FKBP5: variants seen among roughly 807,000 people sequenced by gnomAD.
The protein encoded by FKBP5 is FKBP prolyl isomerase 5.
In FKBP5, 23 loss-of-function variants were observed where a neutral mutation model predicts 50.5. That is an observed-to-expected ratio of 0.46 (90% CI 0.33 to 0.65). The LOEUF (loss-of-function observed/expected upper bound fraction) is 0.65. Ranked by LOEUF, FKBP5 falls within the 30% of genes least tolerant of loss-of-function variation. FKBP5 has a pLI of 0.02. For synonymous variants in FKBP5, 176 were observed against 190.6 expected, an observed-to-expected ratio of 0.92 and a Z score of 0.63; for missense variants, 411 against 553.1, an observed-to-expected ratio of 0.74 and a Z score of 2.58.
intron 2 of FKBP5, among the ~76,000 whole-genome samples, chr6:35,639,516 G>A (rs1362118996): frequency 6.6e-6 from 1 of 152,158 alleles, no homozygotes; most frequent in Non-Finnish European, 1.5e-5. Context: ...TGGGCACTCT[G>A]AAAAGATGAA....
chr6:35,717,000 G>T (rs1263041424), intron 2 of FKBP5, among the ~76,000 whole-genome samples: 1 of 152,078 alleles, frequency 6.6e-6, no homozygotes, highest in Admixed American at 6.6e-5. Flanking sequence ...CGTGTTTACT[G>T]GTCTCACCAA....
chr6:35,666,394 TAAAAAAA>T lies in FKBP5; in HGVS notation c.-20+22403_-20+22409del, dbSNP rs550878351. Among the ~76,000 whole-genome samples the T allele has an allele frequency of 5.4e-4, 18 of 33,254 alleles. 1 individual carries two copies. The highest frequency in any genetic ancestry group is 2.4e-3 in the East Asian group (2 of 824). The allele number at this position is 33,254 out of a possible 152,430, so 21.8% of individuals were successfully genotyped here. The stretch of plus-strand genomic sequence containing the variant: ...CATGCAGAAACACTACTATTATAGT[TAAAAAAA>T]AAAAAAAAAAAAAAAAAAGGAGGGG... On this transcript the variant is annotated intron_variant, in intron 1 of 10. Coordinates refer to ENST00000357266, the MANE Select transcript of FKBP5 (RefSeq NM_004117.4).
chr6:35,600,411 G>A (rs1424949004), intron 5 of FKBP5, among the ~76,000 whole-genome samples: 3 of 149,824 alleles, frequency 2.0e-5, no homozygotes, highest in African/African-American at 4.9e-5. Flanking sequence ...GAGTGAGACC[G>A]TCTCAAAAAA....
chr6:35,667,664 T>C (rs1446546248), intron 1 of FKBP5, among the ~76,000 whole-genome samples: 1 of 152,208 alleles, frequency 6.6e-6, no homozygotes, highest in African/African-American at 2.4e-5. Context: ...GTGGATCACC[T>C]GAGGTCAAGA....
chr6:35,683,209 G>A (rs1035964859), intron 1 of FKBP5, among the ~76,000 whole-genome samples: 1 of 147,906 alleles, frequency 6.8e-6, no homozygotes, highest in South Asian at 2.2e-4. Flanking sequence ...TGTCCCCCAG[G>A]CTGGAGTATG....
In FKBP5 at chr6:35,581,484, G is replaced by A. The variant is rs151264746; in HGVS notation, c.841-1263C>T. The A allele has an allele frequency of 3.2e-3, 2,309 of 712,300 alleles. 47 individuals carry two copies. In the East Asian group the frequency reaches 0.042, roughly 13 times the overall value. 44.1% of individuals were successfully genotyped at this position (712,300 alleles called of 1,614,324 possible). On this transcript the variant is annotated intron_variant, in intron 8 of 10. Coordinates refer to ENST00000357266, the MANE Select transcript of FKBP5 (RefSeq NM_004117.4). ...ATATGCCTGTAATCCCGGCTACTTA[G>A]GAGGCTGAGGCAGGAGAACTGCTTG...
chr6:35,630,750 C>G (rs1764130541), intron 3 of FKBP5, among the ~76,000 whole-genome samples: 1 of 152,154 alleles, frequency 6.6e-6, no homozygotes, highest in Non-Finnish European at 1.5e-5. Flanking sequence ...GTACCTTAGT[C>G]TGTAATATAG....
At chr6:35,605,048 G>A (rs1387274371) in intron 5 of FKBP5, among the ~76,000 whole-genome samples, 1 of 152,070 alleles carries the variant, frequency 6.6e-6, no homozygotes, top group Non-Finnish European at 1.5e-5. Flanking sequence ...CTCCCAAAGT[G>A]CTGGGATTAC....
At chr6:35,577,619 C>T (rs1762263571) in intron 9 of FKBP5, among the ~76,000 whole-genome samples, 1 of 152,208 alleles carries the variant, frequency 6.6e-6, no homozygotes, top group Admixed American at 6.5e-5. Flanking sequence ...GGACAAACAG[C>T]TCAGTGGAAC....
intron 3 of FKBP5, among the ~76,000 whole-genome samples, chr6:35,634,473 G>T (rs993017020): frequency 1.3e-5 from 2 of 152,186 alleles, no homozygotes; most frequent in African/African-American, 4.8e-5. Flanking sequence ...GAGAGCAGGG[G>T]CGTGGCCAGA....
At chr6:35,645,424 C>A (rs1005352046) in intron 1 of FKBP5, among the ~76,000 whole-genome samples, 2 of 151,796 alleles carry the variant, frequency 1.3e-5, no homozygotes, top group African/African-American at 4.8e-5. Flanking sequence ...AGGGTGAGAC[C>A]CCATCTCTTA....
At chr6:35,706,624 G>A (rs1032717542) in intron 2 of FKBP5, among the ~76,000 whole-genome samples, 3 of 152,182 alleles carry the variant, frequency 2.0e-5, no homozygotes, top group Non-Finnish European at 4.4e-5. Flanking sequence ...TTGTGGGAGT[G>A]AAGATTGTGT....
At chr6:35,659,284 G>T (rs1765036514) in intron 1 of FKBP5, among the ~76,000 whole-genome samples, 1 of 74,478 alleles carries the variant, frequency 1.3e-5, no homozygotes. Flanking sequence ...TTTCGCTCCT[G>T]TTGCCTAGGC....
At chr6:35,636,018 ACT>A (rs1202045967) in intron 3 of FKBP5, among the ~76,000 whole-genome samples, 1 of 152,226 alleles carries the variant, frequency 6.6e-6, no homozygotes. Context: ...AACTTTTCAT[ACT>A]GTTACATTAA....
intron 1 of FKBP5, among the ~76,000 whole-genome samples, chr6:35,728,088 G>C (rs569303390): frequency 6.6e-6 from 1 of 152,298 alleles, no homozygotes; most frequent in East Asian, 1.9e-4. Context: ...TGAGCGCCTG[G>C]GCCCGCTGCC....
chr6:35,613,331 C>T (rs1763549055), intron 5 of FKBP5, among the ~76,000 whole-genome samples: 1 of 152,190 alleles, frequency 6.6e-6, no homozygotes, highest in African/African-American at 2.4e-5. Flanking sequence ...TCTCCTGCCT[C>T]ACCCTCCCAA....
At chr6:35,605,744 G>T (rs1763294132) in intron 5 of FKBP5, among the ~76,000 whole-genome samples, 1 of 151,966 alleles carries the variant, frequency 6.6e-6, no homozygotes, top group African/African-American at 2.4e-5. Context: ...TTCCGCCTAA[G>T]AACTGGAAAA....
intron 2 of FKBP5, among the ~76,000 whole-genome samples, chr6:35,712,443 T>A (rs1766432166): frequency 6.6e-6 from 1 of 151,980 alleles, no homozygotes; most frequent in Non-Finnish European, 1.5e-5. Flanking sequence ...GTAGGTATCT[T>A]CCAGGGAGAT....
At chr6:35,636,858 A>G (rs1450209994) in intron 3 of FKBP5, among the ~76,000 whole-genome samples, 156 bp downstream of exon 3, 1 of 152,170 alleles carries the variant, frequency 6.6e-6, no homozygotes, top group Non-Finnish European at 1.5e-5. Context: ...ACCCCCTAAA[A>G]AGATCTCAGA....
Sources: allele counts gnomAD v4.1 joint callset (sites outside exome capture counted in the v4.1 genomes callset), GRCh38; gene constraint gnomAD v4.1.1; transcripts MANE v1.5; gene names NCBI Gene and HGNC (gene_info 2026-07-23, HGNC 2026-07-21).